The following IDE variants were observed in gnomAD, a reference collection of about 807,000 sequenced individuals.
The protein encoded by IDE is insulin-degrading enzyme.
Under a neutral mutation model 133.2 loss-of-function variants are expected in IDE, and 58 were observed. The observed-to-expected ratio is 0.44, with a 90% CI of 0.35 to 0.54. The LOEUF (loss-of-function observed/expected upper bound fraction) is 0.54, where lower values mean the gene tolerates loss of function less well. Among genes scored for constraint, IDE ranks in the 20% least tolerant of loss-of-function variants. The probability of loss-of-function intolerance (pLI) is 0.00; values close to 1 mark genes in which losing one functional copy is unlikely to be tolerated. For synonymous variants in IDE, 396 were observed against 421.3 expected (o/e 0.94, Z 0.73); for missense variants, 981 against 1,234.0 (o/e 0.79, Z 3.07).
chr10:92,507,051 A>G (rs1848327405), intron 9 of IDE, among the ~76,000 whole-genome samples: 1 of 152,294 alleles, frequency 6.6e-6, no homozygotes, highest in African/African-American at 2.4e-5. Flanking sequence ...GTATTTTTAA[A>G]AACCCTTTTT....
chr10:92,548,805 G>A (rs1842651300), intron 1 of IDE, among the ~76,000 whole-genome samples: 1 of 152,178 alleles, frequency 6.6e-6, no homozygotes, highest in African/African-American at 2.4e-5. Flanking sequence ...AGTGTTTATA[G>A]TAAGTAGTTC....
intron 3 of IDE, 34 bp downstream of exon 3, chr10:92,534,544 A>C: frequency 1.6e-6 from 2 of 1,214,028 alleles, no homozygotes; most frequent in Non-Finnish European, 2.4e-6. Context: ...ATAAGTACAC[A>C]AAGTTGGATA....
chr10:92,543,945 G>C (rs1842420170), intron 1 of IDE, among the ~76,000 whole-genome samples: 1 of 152,110 alleles, frequency 6.6e-6, no homozygotes, highest in African/African-American at 2.4e-5. Context: ...GGAAATGTAA[G>C]ATATAGGCCG....
At chr10:92,572,879 C>A (rs1373049189) in intron 1 of IDE, 1 of 985,016 alleles carries the variant, frequency 1.0e-6, no homozygotes, top group Non-Finnish European at 1.2e-6. Flanking sequence ...ACACACTACC[C>A]ATACTACCCA....
intron 21 of IDE, among the ~76,000 whole-genome samples, chr10:92,462,340 G>T (rs1171032126): frequency 1.4e-5 from 2 of 143,930 alleles, no homozygotes; most frequent in Non-Finnish European, 3.0e-5. Context: ...AAAAAAAAAG[G>T]CCAGGTGCAG....
chr10:92,489,596 T>C (rs1182840352), intron 12 of IDE, among the ~76,000 whole-genome samples: 1 of 152,164 alleles, frequency 6.6e-6, no homozygotes, highest in Non-Finnish European at 1.5e-5. Flanking sequence ...AGGGGGATTC[T>C]TTCTTCTTTT....
At chr10:92,561,263 AAAT>A (rs1363359821) in intron 1 of IDE, among the ~76,000 whole-genome samples, 1 of 145,772 alleles carries the variant, frequency 6.9e-6, no homozygotes, top group Non-Finnish European at 1.5e-5. Context: ...TCTAAAAAAA[AAAT>A]AAATAAGTAA....
At chr10:92,494,995 C>T (rs1847597155) in intron 11 of IDE, among the ~76,000 whole-genome samples, 1 of 152,090 alleles carries the variant, frequency 6.6e-6, no homozygotes, top group African/African-American at 2.4e-5. Context: ...GAAATCTTGC[C>T]AAAATCACAG....
chr10:92,504,022 A>C (rs1248712201), intron 11 of IDE, among the ~76,000 whole-genome samples: 1 of 58,652 alleles, frequency 1.7e-5, no homozygotes. Flanking sequence ...CCAGCCCAAA[A>C]AGATTTTTTT....
At chr10:92,528,169 T>C (rs1462493026) in intron 4 of IDE, among the ~76,000 whole-genome samples, 1 of 152,252 alleles carries the variant, frequency 6.6e-6, no homozygotes, top group Non-Finnish European at 1.5e-5. Context: ...CCTTGATTTA[T>C]TGTAATGATT....
At chr10:92,557,650 G>A (rs1051869865) in intron 1 of IDE, among the ~76,000 whole-genome samples, 10 of 152,198 alleles carry the variant, frequency 6.6e-5, no homozygotes, top group South Asian at 2.1e-4. Context: ...AGCACTTTGG[G>A]AGGCCAAGGT....
Position 92,470,380 on chromosome 10 carries a change from C to T in IDE, c.2117-35G>A, listed in dbSNP as rs751583745. The T allele has an allele frequency of 2.9e-6, 4 of 1,369,868 alleles. No homozygotes were observed. The South Asian group carries it at 5.4e-5, about 19-fold the overall frequency. 84.9% of individuals were successfully genotyped at this position (1,369,868 alleles called of 1,614,324 possible). Reference sequence around the variant, plus strand: ...TGTAAGAAGACATAGTGAGCGCTACCTATGAGGGATTTTTTGTTTGAGATA... The same window carrying T: ...TGTAAGAAGACATAGTGAGCGCTACTTATGAGGGATTTTTTGTTTGAGATA... On this transcript the variant is annotated intron_variant, in intron 17 of 24. Coordinates refer to ENST00000265986, the MANE Select transcript of IDE (RefSeq NM_004969.4).
At chr10:92,524,365 ATAAT>A in intron 4 of IDE, among the ~76,000 whole-genome samples, 1 of 26,484 alleles carries the variant, frequency 3.8e-5, no homozygotes, top group African/African-American at 1.7e-4. Context: ...ATTTTATATT[ATAAT>A]ATATATTATA....
At position 92,479,424 on chromosome 10, in the gene IDE, G is replaced by A. The variant is rs1338195959; in HGVS notation, c.1740-3C>T. The A allele has an allele frequency of 6.3e-7, 1 of 1,593,588 alleles. No homozygotes were observed. Among genetic ancestry groups the A allele is most frequent in the Non-Finnish European group, 8.6e-7 (1 of 1,164,116 alleles). On this transcript the variant is annotated splice_polypyrimidine_tract_variant and splice_region_variant and intron_variant, in intron 14 of 24. Transcript: ENST00000265986. Reference sequence around the variant, plus strand: ...AGGGGTCCACATAAGCAAATGGGCTGGAAGAAAATGTTGACAGTAAAATAG... The same window carrying A: ...AGGGGTCCACATAAGCAAATGGGCTAGAAGAAAATGTTGACAGTAAAATAG...
At chr10:92,493,368 T>C (rs562478094) in intron 11 of IDE, among the ~76,000 whole-genome samples, 1 of 152,100 alleles carries the variant, frequency 6.6e-6, no homozygotes, top group South Asian at 2.1e-4. Flanking sequence ...TCTTCCCATC[T>C]ACTCTTCCAT....
Position 92,454,542 on chromosome 10 carries a change from G to A in IDE, c.2965-3C>T, listed in dbSNP as rs370400148. On this transcript the variant is annotated splice_region_variant and splice_polypyrimidine_tract_variant and intron_variant, in intron 24 of 24. Transcript: ENST00000265986. ...GTCATGTTCTGAATCACTTCAGGCTGCAAAGAAAAAAGTTTCCTTTTAGTG... is the reference window on the plus strand; with the variant it reads ...GTCATGTTCTGAATCACTTCAGGCTACAAAGAAAAAAGTTTCCTTTTAGTG... 1.9e-6 allele frequency: 3 copies of A among 1,611,140 alleles called. No homozygotes were observed. The highest frequency in any genetic ancestry group is 1.7e-4 in the Middle Eastern group (1 of 5,888).
chr10:92,523,707 A>C (rs968220438), intron 4 of IDE, among the ~76,000 whole-genome samples: 5 of 151,504 alleles, frequency 3.3e-5, no homozygotes, highest in African/African-American at 1.2e-4. Flanking sequence ...GTCTTAAAAA[A>C]AAAAAAAAAA....
At chr10:92,466,672 C>T (rs529189274) in intron 19 of IDE, among the ~76,000 whole-genome samples, 2 of 144,656 alleles carry the variant, frequency 1.4e-5, no homozygotes, top group South Asian at 4.4e-4. Flanking sequence ...GGCTGGAGTG[C>T]AGTGGTGCAA....
chr10:92,517,053 C>A (rs1364996766), intron 4 of IDE, among the ~76,000 whole-genome samples: 2 of 152,154 alleles, frequency 1.3e-5, no homozygotes, highest in Admixed American at 1.3e-4. Flanking sequence ...GAGATCCTGT[C>A]TTTCTTCTGC....
Sources: allele counts gnomAD v4.1 joint callset (sites outside exome capture counted in the v4.1 genomes callset), GRCh38; gene constraint gnomAD v4.1.1; transcripts MANE v1.5; gene names NCBI Gene and HGNC (gene_info 2026-07-23, HGNC 2026-07-21).